Variants in GLYR1 observed in about 807,000 individuals in gnomAD.
GLYR1 encodes the protein glyoxylate reductase 1 homolog, also known as cytokine-like nuclear factor N-PAC.
In GLYR1, 21 loss-of-function variants were observed where a neutral mutation model predicts 72.7. That is an observed-to-expected ratio of 0.29 (90% confidence interval 0.20 to 0.42). The LOEUF (loss-of-function observed/expected upper bound fraction) is 0.42, where lower values mean the gene tolerates loss of function less well. GLYR1 is among the 10% of genes least tolerant of loss of function. The pLI is 1.00. For synonymous variants in GLYR1, 392 were observed against 270.2 expected, an observed-to-expected ratio of 1.45 and a Z score of -4.42; for missense variants, 594 against 712.1, an observed-to-expected ratio of 0.83 and a Z score of 1.89.
At chr16:4,832,276 C>T in intron 4 of GLYR1, 55 bp from the exon 5 acceptor site, 1 of 1,597,944 alleles carries the variant, frequency 6.3e-7, no homozygotes, top group East Asian at 2.2e-5. Context: ...GCCGCCATCG[C>T]CACCATCATT....
intron 15 of GLYR1, among the ~76,000 whole-genome samples, chr16:4,809,626 A>C (rs1401532242): frequency 6.6e-6 from 1 of 151,274 alleles, no homozygotes; most frequent in Non-Finnish European, 1.5e-5. Flanking sequence ...AAAAAAAAAA[A>C]AAAAATCATA....
intron 3 of GLYR1, among the ~76,000 whole-genome samples, chr16:4,842,859 C>T (rs2085666261): frequency 6.6e-6 from 1 of 151,982 alleles, no homozygotes; most frequent in African/African-American, 2.4e-5. Context: ...ACCACCACAC[C>T]CGACTAATTT....
intron 14 of GLYR1, 62 bp downstream of exon 14, chr16:4,811,561 T>G: frequency 6.3e-6 from 10 of 1,584,664 alleles, no homozygotes; most frequent in Non-Finnish European, 8.6e-6. Context: ...ACTAAATCCC[T>G]GACCTAGTAC....
Position 4,811,620 on chromosome 16 carries a change from C to A in GLYR1, c.1462+3G>T. 1 of 1,613,608 alleles carries A rather than the reference C, an allele frequency of 6.2e-7. No homozygotes were observed. On this transcript the variant is annotated splice_donor_region_variant and intron_variant, in intron 14 of 15. Transcript: ENST00000321919. ...GCAAGAAGAGGGGCCAAAAACAACTCACTTTGGCACTTCTGGTCCAGGAAG... is the reference window on the plus strand; with the variant it reads ...GCAAGAAGAGGGGCCAAAAACAACTAACTTTGGCACTTCTGGTCCAGGAAG...
intron 15 of GLYR1, among the ~76,000 whole-genome samples, chr16:4,807,539 C>G (rs2083062452): frequency 6.6e-6 from 1 of 152,206 alleles, no homozygotes; most frequent in East Asian, 1.9e-4. Context: ...TACTAAAGGT[C>G]AATGCACCAG....
In GLYR1 at chr16:4,832,042, G is replaced by A. The variant is rs1394256560; in HGVS notation, c.474C>T (p.Ser158=). 1 of 1,614,192 alleles carries A rather than the reference G, an allele frequency of 6.2e-7. No homozygotes were observed. Among genetic ancestry groups the A allele is most frequent in the Admixed American group, 1.7e-5 (1 of 60,030 alleles). The change falls in exon 5 of 16, where the codon TCC becomes TCT. Residue 158 remains serine, a synonymous_variant. Coordinates refer to ENST00000321919, the MANE Select transcript of GLYR1 (RefSeq NM_032569.4). ...TTTGCTCTTGGGCTCTTTTCAGAGG[G>A]GATTTGGAGCCTCTCTCTGAAGAGC... is the stretch of plus-strand genomic sequence containing the variant. The part of the protein sequence containing the change: ...SSGSSERGSK[S]PLKRAQEQSP...
chr16:4,839,193 A>G (rs143585791), intron 3 of GLYR1: 1,954 of 152,262 alleles, frequency 0.013, 17 homozygotes, highest in Non-Finnish European at 0.021. Flanking sequence ...ACACACACAC[A>G]CAAACACACA....
intron 15 of GLYR1, among the ~76,000 whole-genome samples, chr16:4,810,236 C>A (rs2083247413): frequency 7.8e-6 from 1 of 127,794 alleles, no homozygotes; most frequent in African/African-American, 2.6e-5. Context: ...GTGGCTCACA[C>A]CTGTAATCCC....
chr16:4,808,563 A>C (rs2141941596), intron 15 of GLYR1, among the ~76,000 whole-genome samples: 1 of 152,316 alleles, frequency 6.6e-6, no homozygotes, highest in East Asian at 1.9e-4. Context: ...ACACCATTGC[A>C]CTCCAGCTTG....
chr16:4,831,930 GTAC>G, intron 5 of GLYR1, 46 bp downstream of exon 5: 1 of 1,590,578 alleles, frequency 6.3e-7, no homozygotes, highest in Non-Finnish European at 8.6e-7. Context: ...ACTCTACCTT[GTAC>G]TAAAAGGACA....
chr16:4,811,907 C>G, intron 13 of GLYR1, 105 bp from the exon 14 acceptor site: 5 of 1,430,866 alleles, frequency 3.5e-6, no homozygotes, highest in Non-Finnish European at 4.7e-6. Flanking sequence ...AGGGGAGGCC[C>G]CCTTCACCTG....
intron 15 of GLYR1, among the ~76,000 whole-genome samples, chr16:4,807,537 G>T (rs763834684): frequency 2.0e-5 from 3 of 152,140 alleles, no homozygotes; most frequent in South Asian, 4.1e-4. Flanking sequence ...ACTACTAAAG[G>T]TCAATGCACC....
At position 4,832,873 on chromosome 16, in the gene GLYR1, A is replaced by T; in HGVS notation, c.195T>A (p.Ala65=). 4 of 1,613,558 alleles carry T rather than the reference A, an allele frequency of 2.5e-6. No individual in the cohort carries two copies. The highest frequency in any genetic ancestry group is 3.4e-6 in the Non-Finnish European group (4 of 1,179,778). ...TAATTTTTATCATTTCCTCTTTATG[A>T]GCATGATATGGCTTCAGCTGTTCCA... is the stretch of plus-strand genomic sequence containing the variant. ...IKVEQLKPYH[A]HKEEMIKINK... The change falls in exon 4 of 16, where the codon GCT becomes GCA. Residue 65 remains alanine, a synonymous_variant. Transcript: ENST00000321919.
intron 9 of GLYR1, among the ~76,000 whole-genome samples, chr16:4,818,339 G>A (rs1244628399): frequency 1.3e-5 from 2 of 151,992 alleles, no homozygotes; most frequent in Admixed American, 1.3e-4. Flanking sequence ...CTGTTGCCCA[G>A]GCTGCAGTGT....
rs759871363 is a variant in GLYR1 at position 4,814,690 on chromosome 16, C to A, written c.907-43G>T. On this transcript the variant is annotated intron_variant, in intron 10 of 15. Coordinates refer to ENST00000321919, the MANE Select transcript of GLYR1 (RefSeq NM_032569.4). The stretch of plus-strand genomic sequence containing the variant: ...CCTAACGTGAGCTGCAGGCAGTGCA[C>A]AACAAACATGCCAGCCAGGCCAGAG... 4.8e-6 allele frequency: 7 copies of A among 1,447,562 alleles called. No homozygotes were observed. The East Asian group carries it at 1.2e-4, about 24-fold the overall frequency. 89.7% of individuals were successfully genotyped at this position (1,447,562 alleles called of 1,614,324 possible). A position where few individuals can be genotyped will look rare whatever the true frequency, so the allele number is the denominator to read the frequency against.
At chr16:4,806,634 C>T (rs1418096145) in intron 15 of GLYR1, among the ~76,000 whole-genome samples, 1 of 151,834 alleles carries the variant, frequency 6.6e-6, no homozygotes, top group Admixed American at 6.6e-5. Context: ...GACCCTGCCT[C>T]GACCTCCCAA....
chr16:4,822,861 C>G lies in GLYR1; in HGVS notation c.681+14G>C, dbSNP rs1221308903. On this transcript the variant is annotated intron_variant, in intron 7 of 15. Transcript: ENST00000321919. Reference sequence around the variant, plus strand: ...GCCCCTGACCAAGGGCCAAGAGCCTCAAAGGCAACTCACCTTCTCTGTTTG... The same window carrying G: ...GCCCCTGACCAAGGGCCAAGAGCCTGAAAGGCAACTCACCTTCTCTGTTTG... 1 of 1,612,938 alleles carries G rather than the reference C, an allele frequency of 6.2e-7. No homozygotes were observed. Among genetic ancestry groups the G allele is most frequent in the African/African-American group, 1.3e-5 (1 of 74,910 alleles).
chr16:4,836,654 G>A (rs756615124), intron 3 of GLYR1, among the ~76,000 whole-genome samples: 1 of 152,138 alleles, frequency 6.6e-6, no homozygotes, highest in African/African-American at 2.4e-5. Flanking sequence ...GCTACCACTC[G>A]TGCAAAGACA....
chr16:4,817,682 G>A lies in GLYR1; in HGVS notation c.822C>T (p.Gly274=), dbSNP rs1160884062. The change falls in exon 10 of 16, where the codon GGC becomes GGT. Residue 274 remains glycine, a synonymous_variant. Transcript: ENST00000321919. ...TPTDKKIGFL[G]LGLMGSGIVS... ...CGATTCCACTTCCCATGAGACCAAG[G>A]CCCAAAAATCCTATCCTGAAACAGA... 1.9e-5 allele frequency: 30 copies of A among 1,611,398 alleles called. No individual in the cohort carries two copies. The highest frequency in any genetic ancestry group is 2.5e-5 in the Non-Finnish European group (30 of 1,177,546).
Sources: allele counts gnomAD v4.1 joint callset (sites outside exome capture counted in the v4.1 genomes callset), GRCh38; gene constraint gnomAD v4.1.1; transcripts MANE v1.5; gene names NCBI Gene and HGNC (gene_info 2026-07-23, HGNC 2026-07-21).